SLC30A7: variants seen among roughly 807,000 people sequenced by gnomAD.
SLC30A7 encodes the protein zinc transporter 7.
Under a neutral mutation model 46.0 loss-of-function variants are expected in SLC30A7, and 35 were observed. The ratio of observed to expected loss-of-function variants is 0.76; its 90% CI spans 0.58 to 1.01. The LOEUF (loss-of-function observed/expected upper bound fraction) is 1.01, where lower values mean the gene tolerates loss of function less well. Ranked by LOEUF, SLC30A7 falls within the 50% of genes least tolerant of loss-of-function variation. The pLI, the probability that SLC30A7 is intolerant of heterozygous loss-of-function variation, is 0.00. For synonymous variants in SLC30A7, 147 were observed against 157.8 expected (o/e 0.93, Z 0.51); for missense variants, 464 against 451.1 (o/e 1.03, Z -0.26).
chr1:100,962,941 G>A (rs1439795107), intron 9 of SLC30A7, among the ~76,000 whole-genome samples: 3 of 152,118 alleles, frequency 2.0e-5, no homozygotes. Flanking sequence ...GAAAGTGTTG[G>A]CTTATTACTT....
intron 8 of SLC30A7, chr1:100,941,169 C>G (rs562280754): frequency 5.4e-6 from 2 of 367,390 alleles, no homozygotes; most frequent in African/African-American, 4.3e-5. Flanking sequence ...AATTTGAAGA[C>G]TGTTGTAATT....
rs114254175 is a variant in SLC30A7 at position 100,901,108 on chromosome 1, C to A, written c.182+4437C>A. ...ATGCTTCTCTAAAAGATAAAATCCACCCCCCCTTAACATAACCCAAAACCA... is the reference window on the plus strand; with the variant it reads ...ATGCTTCTCTAAAAGATAAAATCCAACCCCCCTTAACATAACCCAAAACCA... On this transcript the variant is annotated intron_variant, in intron 2 of 10. Transcript: ENST00000357650. 6.5e-3 allele frequency among the ~76,000 whole-genome samples: 988 copies of A among 152,176 alleles called. 17 individuals are homozygous for A. Among genetic ancestry groups the A allele is most frequent in the African/African-American group, 0.021 (859 of 41,530 alleles).
intron 10 of SLC30A7, among the ~76,000 whole-genome samples, chr1:100,968,331 C>T (rs184273187): frequency 2.0e-5 from 3 of 151,972 alleles, no homozygotes; most frequent in African/African-American, 7.2e-5. Flanking sequence ...TATGGTGGTG[C>T]ATGCCTGTAA....
At chr1:100,936,896 A>C (rs1289850357) in intron 8 of SLC30A7, among the ~76,000 whole-genome samples, 1 of 152,162 alleles carries the variant, frequency 6.6e-6, no homozygotes, top group Non-Finnish European at 1.5e-5. Context: ...AATGTCCTCA[A>C]GTTTCATTCA....
At chr1:100,993,198 G>A in the SLC30A7 span, among the ~76,000 whole-genome samples, 6 of 152,020 alleles carry the variant, frequency 3.9e-5, no homozygotes, top group Admixed American at 6.6e-5. Context: ...GATGGCATAC[G>A]TTTATTTCTG....
chr1:100,995,943 A>G, the SLC30A7 span: 1 of 152,246 alleles, frequency 6.6e-6, no homozygotes, highest in African/African-American at 2.4e-5. Flanking sequence ...ACATAGTGCA[A>G]CTGAGGAGTC....
At chr1:100,903,033 G>A (rs1431317387) in intron 2 of SLC30A7, among the ~76,000 whole-genome samples, 2 of 151,870 alleles carry the variant, frequency 1.3e-5, no homozygotes, top group Non-Finnish European at 2.9e-5. Flanking sequence ...ACTGATTACA[G>A]TAATTTAAAA....
chr1:100,986,982 C>T, the SLC30A7 span, among the ~76,000 whole-genome samples: 1 of 152,168 alleles, frequency 6.6e-6, no homozygotes, highest in Non-Finnish European at 1.5e-5. Flanking sequence ...AGACTGAAAA[C>T]ACTATTGTTC....
At chr1:100,945,456 T>C (rs1654579546) in intron 8 of SLC30A7, among the ~76,000 whole-genome samples, 2 of 152,350 alleles carry the variant, frequency 1.3e-5, no homozygotes, top group Non-Finnish European at 2.9e-5. Flanking sequence ...CTTGAATTAA[T>C]TTTTGTATAA....
At chr1:100,965,142 GTTGGTATTACAGCTTCTTGACCA>G (rs1655794335) in intron 9 of SLC30A7, among the ~76,000 whole-genome samples, 1 of 152,190 alleles carries the variant, frequency 6.6e-6, no homozygotes, top group Non-Finnish European at 1.5e-5. Context: ...ATGCCATCAA[GTTGGTATTACAGCTTCTTGACCA>G]TTTCTGGAGA....
Position 100,926,430 on chromosome 1 carries a change from G to T in SLC30A7, c.842+4589G>T, listed in dbSNP as rs1272975677. Among the ~76,000 whole-genome samples, 3 of 152,140 alleles carry T rather than the reference G, an allele frequency of 2.0e-5. No individual in the cohort carries two copies. The South Asian group carries it at 6.2e-4, about 32-fold the overall frequency. Reference sequence around the variant, plus strand: ...GGTGAAGGCAGAGCAGGCATGTAGCGTGGTGAAAGAGAGAGAGAGAAAAAA... The same window carrying T: ...GGTGAAGGCAGAGCAGGCATGTAGCTTGGTGAAAGAGAGAGAGAGAAAAAA... On this transcript the variant is annotated intron_variant, in intron 8 of 10. Transcript: ENST00000357650.
At chr1:100,925,951 C>A (rs1043905912) in intron 8 of SLC30A7, among the ~76,000 whole-genome samples, 1 of 152,166 alleles carries the variant, frequency 6.6e-6, no homozygotes, top group African/African-American at 2.4e-5. Context: ...ACAATTCCCA[C>A]CCCTTCTGTT....
intron 10 of SLC30A7, among the ~76,000 whole-genome samples, chr1:100,969,587 A>G (rs1341874056): frequency 6.6e-6 from 1 of 152,338 alleles, no homozygotes; most frequent in East Asian, 1.9e-4. Flanking sequence ...TTGGCTTTTA[A>G]AATGGCTGAA....
At chr1:100,901,478 G>A (rs923892781) in intron 2 of SLC30A7, among the ~76,000 whole-genome samples, 3 of 151,504 alleles carry the variant, frequency 2.0e-5, no homozygotes, top group African/African-American at 4.9e-5. Flanking sequence ...TTTTTAAGAC[G>A]GAGTCTTACT....
chr1:100,926,066 A>G (rs919863576), intron 8 of SLC30A7, among the ~76,000 whole-genome samples: 2 of 152,202 alleles, frequency 1.3e-5, no homozygotes, highest in African/African-American at 2.4e-5. Context: ...CCAGTCAACT[A>G]CAGTAGGCTT....
chr1:100,917,981 A>G, intron 6 of SLC30A7, 96 bp from the exon 7 acceptor site: 3 of 919,582 alleles, frequency 3.3e-6, no homozygotes, highest in South Asian at 1.5e-5. Flanking sequence ...ATAGCCATGC[A>G]TTCTTGATGA....
At chr1:100,935,945 C>T (rs572373663) in intron 8 of SLC30A7, among the ~76,000 whole-genome samples, 1 of 152,232 alleles carries the variant, frequency 6.6e-6, no homozygotes, top group East Asian at 1.9e-4. Context: ...GTTCCTAATA[C>T]CACTCTTTGC....
chr1:100,989,673 A>G, the SLC30A7 span: 7 of 152,176 alleles, frequency 4.6e-5, no homozygotes, highest in Admixed American at 4.6e-4. Flanking sequence ...CACTCATAAC[A>G]TTTTTTACCC....
the SLC30A7 span, chr1:100,990,675 T>A: frequency 6.4e-7 from 1 of 1,570,616 alleles, no homozygotes; most frequent in Non-Finnish European, 8.7e-7. Context: ...AGCAAATGCA[T>A]CATCCATCCA....
Sources: gnomAD v4.1 joint callset for allele counts (sites outside exome capture counted in the v4.1 genomes callset) on GRCh38, gnomAD v4.1.1 for gene constraint, MANE v1.5 for transcripts, NCBI Gene and HGNC (gene_info 2026-07-23, HGNC 2026-07-21) for gene names.